KIAA1217: variants seen among roughly 807,000 people sequenced by gnomAD.
The protein encoded by KIAA1217 is sickle tail protein homolog.
KIAA1217 carries 88 observed loss-of-function variants against 163.9 expected under a neutral mutation model. The observed-to-expected ratio is 0.54, with a 90% CI of 0.45 to 0.64. The LOEUF is 0.64. Among genes scored for constraint, KIAA1217 ranks in the 30% least tolerant of loss-of-function variants. The probability of loss-of-function intolerance (pLI) is 0.00; values close to 1 mark genes in which losing one functional copy is unlikely to be tolerated. For missense variants in KIAA1217, 2,372 were observed against 2,475.0 expected (o/e 0.96, Z 0.88); for synonymous variants, 903 against 923.1 (o/e 0.98, Z 0.39).
intron 2 of KIAA1217, among the ~76,000 whole-genome samples, chr10:24,306,667 A>C (rs1455691286): frequency 6.6e-6 from 1 of 152,214 alleles, no homozygotes; most frequent in Non-Finnish European, 1.5e-5. Context: ...ATGAGAAGTA[A>C]TACTTTCAAC....
intron 2 of KIAA1217, among the ~76,000 whole-genome samples, chr10:24,276,402 A>G (rs1023900865): frequency 2.0e-5 from 3 of 152,134 alleles, no homozygotes; most frequent in Non-Finnish European, 2.9e-5. Flanking sequence ...TATTCCTTAG[A>G]TAGCTGTTAA....
At chr10:24,439,944 G>C (rs2060353534) in intron 5 of KIAA1217, among the ~76,000 whole-genome samples, 1 of 152,188 alleles carries the variant, frequency 6.6e-6, no homozygotes, top group Non-Finnish European at 1.5e-5. Context: ...ACATCTTTCA[G>C]GGACCAGCAT....
At chr10:24,345,736 TG>T (rs563189578) in intron 2 of KIAA1217, among the ~76,000 whole-genome samples, 1 of 152,096 alleles carries the variant, frequency 6.6e-6, no homozygotes, top group African/African-American at 2.4e-5. Flanking sequence ...TTTTTTTGGG[TG>T]GGGGGGTCGC....
At position 24,514,763 on chromosome 10, in the gene KIAA1217, C is replaced by A. The variant is rs1592571406; in HGVS notation, c.2177+1329C>A. On this transcript the variant is annotated intron_variant, in intron 10 of 20. Transcript: ENST00000376454. ...CCAGCACTTTGGGAGGCCGAGGCAG[C>A]CAGATCACCTGAGGTCAGGAGTTCG... Among the ~76,000 whole-genome samples, 3 of 152,046 alleles carry A rather than the reference C, an allele frequency of 2.0e-5. No homozygotes were observed. In the South Asian group the frequency reaches 6.2e-4, roughly 32 times the overall value.
At chr10:23,881,657 G>A (rs903048679) in intron 1 of KIAA1217, among the ~76,000 whole-genome samples, 9 of 151,892 alleles carry the variant, frequency 5.9e-5, no homozygotes, top group East Asian at 1.9e-4. Context: ...CATTACATTC[G>A]GAATTGCTAT....
At chr10:24,283,366 T>G (rs2078177610) in intron 2 of KIAA1217, among the ~76,000 whole-genome samples, 2 of 152,068 alleles carry the variant, frequency 1.3e-5, no homozygotes. Context: ...TTTCATTGCT[T>G]CATAAGAAAC....
rs528293723 is a variant in KIAA1217 at position 23,915,470 on chromosome 10, G to A, written c.-320-91755G>A. Among the ~76,000 whole-genome samples the A allele has an allele frequency of 4.6e-5, 7 of 152,198 alleles. No homozygotes were observed. The Middle Eastern group carries it at 0.01, about 222-fold the overall frequency. On this transcript the variant is annotated intron_variant, in intron 1 of 18. Coordinates refer to the KIAA1217 transcript ENST00000376462. ...ATTAGGAATAGAAAAAGGAGATGAGGGGAAAACTGATGAAATCCAAATAAA... is the reference window on the plus strand; with the variant it reads ...ATTAGGAATAGAAAAAGGAGATGAGAGGAAAACTGATGAAATCCAAATAAA...
intron 1 of KIAA1217, among the ~76,000 whole-genome samples, chr10:23,945,435 A>G (rs987891485): frequency 3.3e-5 from 5 of 152,232 alleles, no homozygotes; most frequent in Admixed American, 2.6e-4. Context: ...TTATGGTGAT[A>G]GAAATCAGAG....
intron 1 of KIAA1217, among the ~76,000 whole-genome samples, chr10:23,845,202 G>A (rs533410298): frequency 8.3e-4 from 126 of 152,242 alleles, no homozygotes; most frequent in African/African-American, 2.7e-3. Flanking sequence ...AAACATACAT[G>A]TGCATGGTCT....
At position 24,240,585 on chromosome 10, in the gene KIAA1217, A is replaced by C. The variant is rs565261912; in HGVS notation, c.354+20676A>C. Among the ~76,000 whole-genome samples, 5 of 152,320 alleles carry C rather than the reference A, an allele frequency of 3.3e-5. No homozygotes were observed. In the East Asian group the frequency reaches 7.7e-4, roughly 23 times the overall value. ...CTGGGCGTTGAGTTCTGGCTTCACC[A>C]CTTAGTGGCTGTATAACTAGAGGAA... On this transcript the variant is annotated intron_variant, in intron 2 of 20. Coordinates refer to ENST00000376454, the MANE Select transcript of KIAA1217 (RefSeq NM_019590.5).
chr10:24,149,889 GT>G (rs1049936524), intron 2 of KIAA1217, among the ~76,000 whole-genome samples: 3 of 152,016 alleles, frequency 2.0e-5, no homozygotes, highest in Admixed American at 6.5e-5. Flanking sequence ...TATATAGCAA[GT>G]TTTTTTAAAA....
At chr10:23,734,100 C>T (rs967585453) in intron 1 of KIAA1217, among the ~76,000 whole-genome samples, 3 of 152,066 alleles carry the variant, frequency 2.0e-5, no homozygotes, top group Non-Finnish European at 4.4e-5. Context: ...GCCAACTTCA[C>T]TGGAACCTCC....
chr10:24,447,023 A>G (rs892663445), intron 5 of KIAA1217, among the ~76,000 whole-genome samples: 7 of 151,978 alleles, frequency 4.6e-5, no homozygotes, highest in Middle Eastern at 3.2e-3. Context: ...TGAAGACCTA[A>G]CCCAGAAGCC....
intron 7 of KIAA1217, 186 bp from the exon 8 acceptor site, chr10:24,494,961 C>A (rs2066603971): frequency 1.7e-6 from 1 of 596,764 alleles, no homozygotes; most frequent in Non-Finnish European, 2.9e-6. Context: ...ATTCCACCCC[C>A]AGTGTCAGGT....
intron 5 of KIAA1217, among the ~76,000 whole-genome samples, chr10:24,440,239 A>G (rs972760422): frequency 2.6e-5 from 4 of 152,248 alleles, no homozygotes; most frequent in East Asian, 1.9e-4. Flanking sequence ...CCAGAGCCAC[A>G]TGGAGACAGA....
chr10:23,739,182 A>C (rs2130805895), intron 1 of KIAA1217, among the ~76,000 whole-genome samples: 1 of 152,328 alleles, frequency 6.6e-6, no homozygotes, highest in Non-Finnish European at 1.5e-5. Context: ...CTCACTTATA[A>C]GTGGGAACTA....
intron 1 of KIAA1217, among the ~76,000 whole-genome samples, chr10:23,830,643 C>T (rs188231706): frequency 2.0e-5 from 3 of 150,750 alleles, no homozygotes; most frequent in Non-Finnish European, 2.9e-5. Context: ...AGATGATAGA[C>T]GATTGATAGA....
rs1372306602 is a variant in KIAA1217, at chr10:24,542,473, T to C, written c.3535-220T>C. The C allele has an allele frequency of 6.5e-6, 9 of 1,392,772 alleles. No individual in the cohort carries two copies. In the African/African-American group the frequency reaches 8.7e-5, roughly 13 times the overall value. 86.3% of individuals were successfully genotyped at this position (1,392,772 alleles called of 1,614,324 possible). A position where few individuals can be genotyped will look rare whatever the true frequency, so the allele number is the denominator to read the frequency against. ...AAAATTTTAAATTCTTGAAATCTTT[T>C]GCTAATTGAGATTTTCATCTTGTGC... is the stretch of plus-strand genomic sequence containing the variant. On this transcript the variant is annotated intron_variant, in intron 17 of 20. Transcript: ENST00000376454.
intron 3 of KIAA1217, among the ~76,000 whole-genome samples, chr10:24,416,002 G>A (rs982982397): frequency 2.6e-5 from 4 of 152,114 alleles, no homozygotes; most frequent in African/African-American, 7.2e-5. Context: ...GGGATGATCC[G>A]GCTGGCTGCT....
Sources: allele counts gnomAD v4.1 joint callset (sites outside exome capture counted in the v4.1 genomes callset), GRCh38; gene constraint gnomAD v4.1.1; transcripts MANE v1.5; gene names NCBI Gene and HGNC (gene_info 2026-07-23, HGNC 2026-07-21).